The following NTNG1 variants were observed in gnomAD, a reference collection of about 807,000 sequenced individuals.
NTNG1 encodes the protein netrin-G1.
A neutral mutation model predicts 54.0 loss-of-function variants in NTNG1; 16 were observed. That is an observed-to-expected ratio of 0.30 (90% confidence interval 0.20 to 0.45). The LOEUF is 0.45. NTNG1 is among the 20% of genes least tolerant of loss of function. NTNG1 has a pLI of 1.00. For synonymous variants in NTNG1, 255 were observed against 263.1 expected, an observed-to-expected ratio of 0.97 and a Z score of 0.30; for missense variants, 530 against 678.7, an observed-to-expected ratio of 0.78 and a Z score of 2.43.
intron 2 of NTNG1, among the ~76,000 whole-genome samples, chr1:107,214,023 T>C (rs369607304): frequency 3.3e-5 from 5 of 152,296 alleles, no homozygotes; most frequent in African/African-American, 1.2e-4. Context: ...AGTTTTTCTT[T>C]TCACTCTCCC....
intron 3 of NTNG1, among the ~76,000 whole-genome samples, chr1:107,331,137 C>T (rs917687875): frequency 7.9e-5 from 12 of 152,032 alleles, no homozygotes; most frequent in African/African-American, 2.4e-4. Flanking sequence ...TTTAACGTCA[C>T]ACATAACAAA....
At chr1:107,367,357 T>C (rs1245641948) in intron 3 of NTNG1, among the ~76,000 whole-genome samples, 2 of 152,142 alleles carry the variant, frequency 1.3e-5, no homozygotes, top group Non-Finnish European at 2.9e-5. Flanking sequence ...TGAAGGGCAC[T>C]GAATCTTCTG....
At chr1:107,268,837 T>C (rs916009272) in intron 2 of NTNG1, among the ~76,000 whole-genome samples, 1 of 152,192 alleles carries the variant, frequency 6.6e-6, no homozygotes, top group Non-Finnish European at 1.5e-5. Context: ...TAGTTGTCTA[T>C]CAGTAGTCTT....
At chr1:107,199,914 T>A (rs1234759092) in intron 2 of NTNG1, among the ~76,000 whole-genome samples, 2 of 151,884 alleles carry the variant, frequency 1.3e-5, no homozygotes, top group African/African-American at 4.8e-5. Flanking sequence ...ATCAGTAACC[T>A]TCTGGACCAG....
At chr1:107,475,939 C>T (rs2101601705) in intron 7 of NTNG1, among the ~76,000 whole-genome samples, 1 of 152,266 alleles carries the variant, frequency 6.6e-6, no homozygotes, top group African/African-American at 2.4e-5. Context: ...GCGTTGAGAA[C>T]CACTACTTTA....
intron 2 of NTNG1, among the ~76,000 whole-genome samples, chr1:107,320,227 T>C (rs1400199841): frequency 6.6e-6 from 1 of 152,138 alleles, no homozygotes; most frequent in Non-Finnish European, 1.5e-5. Context: ...GTAAATATTA[T>C]CAGCACAGTC....
Position 107,270,714 on chromosome 1 carries a change from G to GC in NTNG1, c.247-53561dup, listed in dbSNP as rs1361550041. ...GATTCCCGCCCCCGCCCCCGCCCCCGCCCCCCCACCCCCAACCCGCCAAAG... is the reference window on the plus strand; with the variant it reads ...GATTCCCGCCCCCGCCCCCGCCCCCGCCCCCCCCACCCCCAACCCGCCAAAG... On this transcript the variant is annotated intron_variant, in intron 2 of 7. Coordinates refer to ENST00000370068, the MANE Select transcript of NTNG1 (RefSeq NM_001113226.3). 1.2e-4 allele frequency among the ~76,000 whole-genome samples: 8 copies of GC among 68,656 alleles called. No individual in the cohort carries two copies. The South Asian group carries it at 1.5e-3, about 13-fold the overall frequency. 45.0% of individuals were successfully genotyped at this position (68,656 alleles called of 152,430 possible).
At chr1:107,453,543 G>T (rs1676747936) in intron 7 of NTNG1, among the ~76,000 whole-genome samples, 1 of 152,134 alleles carries the variant, frequency 6.6e-6, no homozygotes, top group African/African-American at 2.4e-5. Flanking sequence ...CATGACCAAA[G>T]CCTCCCAGGG....
intron 7 of NTNG1, among the ~76,000 whole-genome samples, chr1:107,449,742 A>T (rs527662072): frequency 1.2e-4 from 19 of 152,076 alleles, no homozygotes; most frequent in South Asian, 1.0e-3. Context: ...AACCTTCAAA[A>T]AGTGGAAGCT....
chr1:107,389,667 T>C (rs1337393548), intron 3 of NTNG1, among the ~76,000 whole-genome samples: 1 of 152,236 alleles, frequency 6.6e-6, no homozygotes, highest in Non-Finnish European at 1.5e-5. Context: ...TTTGGCAATG[T>C]CTGCCATTTA....
At chr1:107,166,730 T>C (rs888762020) in intron 2 of NTNG1, among the ~76,000 whole-genome samples, 1 of 152,074 alleles carries the variant, frequency 6.6e-6, no homozygotes, top group Non-Finnish European at 1.5e-5. Context: ...AACAATTGAC[T>C]GTGAAACCAA....
chr1:107,382,491 A>C (rs1671710088), intron 3 of NTNG1, among the ~76,000 whole-genome samples: 2 of 152,214 alleles, frequency 1.3e-5, no homozygotes, highest in African/African-American at 4.8e-5. Context: ...ATTTAACCAG[A>C]TAGACAGAAA....
At chr1:107,209,737 A>G (rs1659475534) in intron 2 of NTNG1, among the ~76,000 whole-genome samples, 1 of 152,174 alleles carries the variant, frequency 6.6e-6, no homozygotes, top group Non-Finnish European at 1.5e-5. Flanking sequence ...TGTGTTTGCA[A>G]AAAGCCTGTT....
At chr1:107,285,486 A>C (rs759027087) in intron 2 of NTNG1, among the ~76,000 whole-genome samples, 60 of 152,114 alleles carry the variant, frequency 3.9e-4, no homozygotes, top group Admixed American at 8.5e-4. Flanking sequence ...GAGAGCTAAG[A>C]TGTGCATGAA....
At position 107,415,571 on chromosome 1, in the gene NTNG1, G is replaced by C. The variant is rs116604155; in HGVS notation, c.1087+7863G>C. Among the ~76,000 whole-genome samples, 1,274 of 152,146 alleles carry C rather than the reference G, an allele frequency of 8.4e-3. 12 individuals are homozygous for C. The highest frequency in any genetic ancestry group is 0.029 in the African/African-American group (1,190 of 41,548). ...CAGTGGCGGAACGGGGATCAGACGT[G>C]TCATCTTCTGAATCCCAGTGCCCTT... On this transcript the variant is annotated intron_variant, in intron 5 of 7. Coordinates refer to ENST00000370068, the MANE Select transcript of NTNG1 (RefSeq NM_001113226.3).
At chr1:107,263,345 CT>C (rs1339408576) in intron 2 of NTNG1, among the ~76,000 whole-genome samples, 102 of 145,534 alleles carry the variant, frequency 7.0e-4, no homozygotes, top group African/African-American at 2.5e-3. Context: ...TCCTTTTTTT[CT>C]TTTTTTTTCC....
At chr1:107,187,124 G>A (rs900291460) in intron 2 of NTNG1, among the ~76,000 whole-genome samples, 3 of 152,022 alleles carry the variant, frequency 2.0e-5, no homozygotes, top group Admixed American at 6.6e-5. Flanking sequence ...TTTATTCTCA[G>A]TTATAGCATC....
chr1:107,420,990 G>A (rs1439631268), intron 5 of NTNG1: 1 of 809,004 alleles, frequency 1.2e-6, no homozygotes, highest in East Asian at 2.6e-5. Flanking sequence ...CTTAATTTAG[G>A]GCTACTTTTC....
At chr1:107,467,013 T>C (rs1362329364) in intron 7 of NTNG1, among the ~76,000 whole-genome samples, 1 of 152,226 alleles carries the variant, frequency 6.6e-6, no homozygotes, top group African/African-American at 2.4e-5. Context: ...AGGAAAGAAC[T>C]CAGTACATCC....
Sources: gnomAD v4.1 joint callset for allele counts (sites outside exome capture counted in the v4.1 genomes callset) on GRCh38, gnomAD v4.1.1 for gene constraint, MANE v1.5 for transcripts, NCBI Gene and HGNC (gene_info 2026-07-23, HGNC 2026-07-21) for gene names.